Variants in TLN2 observed in about 807,000 individuals in gnomAD.
The protein encoded by TLN2 is talin-2.
A neutral mutation model predicts 294.7 loss-of-function variants in TLN2; 118 were observed. That is an observed-to-expected ratio of 0.40 (90% CI 0.34 to 0.47). The LOEUF (loss-of-function observed/expected upper bound fraction) is 0.47, where lower values mean the gene tolerates loss of function less well. Ranked by LOEUF, TLN2 falls within the 20% of genes least tolerant of loss-of-function variation. The pLI is 0.84. For synonymous variants in TLN2, 1,431 were observed against 1,304.5 expected (o/e 1.10, Z -2.09); for missense variants, 3,083 against 3,282.2 (o/e 0.94, Z 1.48).
At chr15:62,504,818 GGTGTGTGTGT>G (rs377405417) in intron 1 of TLN2, among the ~76,000 whole-genome samples, 3 of 143,616 alleles carry the variant, frequency 2.1e-5, no homozygotes, top group African/African-American at 7.9e-5. Flanking sequence ...TAGTTGGTGG[GGTGTGTGTGT>G]GTGTGTGTGT....
chr15:62,529,469 C>T (rs980015396), intron 1 of TLN2, among the ~76,000 whole-genome samples: 19 of 151,706 alleles, frequency 1.3e-4, no homozygotes, highest in Admixed American at 1.2e-3. Flanking sequence ...ACTTTACACT[C>T]AGGTGGTCTC....
At chr15:62,657,990 C>T (rs1168991828) in intron 9 of TLN2, 92 bp downstream of exon 9, 14 of 1,217,990 alleles carry the variant, frequency 1.1e-5, no homozygotes, top group Admixed American at 1.0e-4. Context: ...TAAGATCATA[C>T]CCTAATTTCA....
intron 42 of TLN2, among the ~76,000 whole-genome samples, chr15:62,774,133 T>C (rs2063535272): frequency 6.6e-6 from 1 of 152,184 alleles, no homozygotes; most frequent in South Asian, 2.1e-4. Flanking sequence ...TATTCCTTGT[T>C]TTTCTCCCTC....
At chr15:62,818,845 T>A (rs1567672939) in intron 52 of TLN2, among the ~76,000 whole-genome samples, 9 of 314 alleles carry the variant, frequency 0.029, no homozygotes, top group East Asian at 0.083. Context: ...TTTTTTTATT[T>A]TTATTTATTT....
intron 9 of TLN2, among the ~76,000 whole-genome samples, chr15:62,664,702 T>C (rs1333432440): frequency 2.6e-5 from 4 of 151,286 alleles, no homozygotes; most frequent in Admixed American, 2.0e-4. Flanking sequence ...CTACTACAGA[T>C]ACAAAATTAG....
At chr15:62,391,271 G>A (rs921709453) in intron 1 of TLN2, among the ~76,000 whole-genome samples, 8 of 152,246 alleles carry the variant, frequency 5.3e-5, no homozygotes, top group Non-Finnish European at 8.8e-5. Context: ...ACTCAGACCT[G>A]CCGATCCCAC....
intron 1 of TLN2, among the ~76,000 whole-genome samples, chr15:62,419,710 C>A (rs953109682): frequency 1.3e-5 from 2 of 151,862 alleles, no homozygotes; most frequent in Non-Finnish European, 2.9e-5. Flanking sequence ...TGCATTGGCT[C>A]ACTGCAGCCT....
chr15:62,613,795 C>T (rs1002835745), intron 2 of TLN2, among the ~76,000 whole-genome samples: 2 of 147,366 alleles, frequency 1.4e-5, no homozygotes, highest in African/African-American at 5.0e-5. Flanking sequence ...GATCTCTCAG[C>T]ATATGCAACA....
intron 1 of TLN2, among the ~76,000 whole-genome samples, chr15:62,512,233 A>G (rs2039971336): frequency 1.3e-5 from 2 of 152,114 alleles, no homozygotes; most frequent in African/African-American, 2.4e-5. Context: ...GGAATGGGGA[A>G]TGTTAGTCTT....
chr15:62,416,316 T>A (rs1174647261), intron 1 of TLN2, among the ~76,000 whole-genome samples: 1 of 152,092 alleles, frequency 6.6e-6, no homozygotes, highest in African/African-American at 2.4e-5. Flanking sequence ...ATAAGTAGAT[T>A]AATTAATTAA....
At chr15:62,648,208 C>A (rs942813839) in intron 4 of TLN2, among the ~76,000 whole-genome samples, 1 of 151,904 alleles carries the variant, frequency 6.6e-6, no homozygotes, top group African/African-American at 2.4e-5. Context: ...ATCGCTTGAA[C>A]CCAGGAGTTA....
intron 1 of TLN2, among the ~76,000 whole-genome samples, chr15:62,544,738 T>C (rs920132879): frequency 6.6e-6 from 1 of 151,676 alleles, no homozygotes; most frequent in Non-Finnish European, 1.5e-5. Flanking sequence ...TTTTTTTTTT[T>C]TTCTTCCCCC....
At chr15:62,801,726 C>T (rs1238329696) in intron 50 of TLN2, among the ~76,000 whole-genome samples, 3 of 152,150 alleles carry the variant, frequency 2.0e-5, no homozygotes, top group Non-Finnish European at 4.4e-5. Context: ...GCTGGTGGTG[C>T]CTTAAGTACC....
At chr15:62,404,680 C>T (rs1324622091) in intron 1 of TLN2, among the ~76,000 whole-genome samples, 3 of 151,556 alleles carry the variant, frequency 2.0e-5, no homozygotes, top group Non-Finnish European at 4.4e-5. Context: ...AAGTGTAGCC[C>T]GAGGTCATGC....
At chr15:62,675,483 A>C (rs764016318) in intron 11 of TLN2, among the ~76,000 whole-genome samples, 162 bp downstream of exon 11, 4 of 152,170 alleles carry the variant, frequency 2.6e-5, no homozygotes, top group African/African-American at 7.2e-5. Context: ...CACAGGCATG[A>C]GGGGTATGAC....
chr15:62,563,421 A>G (rs1170307431), intron 1 of TLN2, among the ~76,000 whole-genome samples: 2 of 151,964 alleles, frequency 1.3e-5, no homozygotes, highest in African/African-American at 4.8e-5. Flanking sequence ...TCATGTTCTT[A>G]GCCCACTTTT....
rs766412352 is a variant in TLN2 at position 62,657,768 on chromosome 15, C to T, written c.661-3C>T. The T allele has an allele frequency of 6.8e-6, 11 of 1,608,766 alleles. No homozygotes were observed. The South Asian group carries it at 1.2e-4, about 18-fold the overall frequency. ...GATGCTTTTCCTTCCTCTTGTGTTT[C>T]AGGCACGGGATGACATCCTGAATGG... is the stretch of plus-strand genomic sequence containing the variant. On this transcript the variant is annotated splice_region_variant and splice_polypyrimidine_tract_variant and intron_variant, in intron 8 of 58. Coordinates refer to ENST00000636159, the MANE Select transcript of TLN2 (RefSeq NM_015059.3).
At chr15:62,549,390 C>T (rs955723782) in intron 1 of TLN2, among the ~76,000 whole-genome samples, 5 of 152,168 alleles carry the variant, frequency 3.3e-5, no homozygotes, top group African/African-American at 1.2e-4. Context: ...CCACCTCAGC[C>T]TCCCAAAGTG....
intron 1 of TLN2, among the ~76,000 whole-genome samples, chr15:62,455,677 C>G (rs944294643): frequency 6.6e-6 from 1 of 152,202 alleles, no homozygotes; most frequent in African/African-American, 2.4e-5. Context: ...TCCCAGGTGC[C>G]CTGCTCGGGG....
Sources: gnomAD v4.1 joint callset for allele counts (sites outside exome capture counted in the v4.1 genomes callset) on GRCh38, gnomAD v4.1.1 for gene constraint, MANE v1.5 for transcripts, NCBI Gene and HGNC (gene_info 2026-07-23, HGNC 2026-07-21) for gene names.